Variants in SLIT2 observed in about 807,000 individuals in gnomAD.
The protein encoded by SLIT2 is slit guidance ligand 2.
Under a neutral mutation model 185.7 loss-of-function variants are expected in SLIT2, and 41 were observed. That is an observed-to-expected ratio of 0.22 (90% CI 0.17 to 0.29). SLIT2 has a LOEUF of 0.29. Among genes scored for constraint, SLIT2 ranks in the 10% least tolerant of loss-of-function variants. The pLI is 1.00. For missense variants in SLIT2, 1,571 were observed against 1,909.0 expected, an observed-to-expected ratio of 0.82 and a Z score of 3.30; for synonymous variants, 693 against 680.2, an observed-to-expected ratio of 1.02 and a Z score of -0.29.
intron 4 of SLIT2, among the ~76,000 whole-genome samples, chr4:20,437,917 A>C (rs1407974781): frequency 6.7e-6 from 1 of 149,750 alleles, no homozygotes; most frequent in African/African-American, 2.4e-5. Context: ...TCCGTCTCAA[A>C]AAAAAAAAAA....
At chr4:20,434,399 T>C (rs1729208370) in intron 4 of SLIT2, among the ~76,000 whole-genome samples, 1 of 151,944 alleles carries the variant, frequency 6.6e-6, no homozygotes, top group South Asian at 2.1e-4. Context: ...GGCAGGAGAA[T>C]CACTTGAACC....
chr4:20,364,360 A>AT, intron 4 of SLIT2: 1 of 759,860 alleles, frequency 1.3e-6, no homozygotes, highest in Non-Finnish European at 1.6e-6. Flanking sequence ...CAGTTCACCC[A>AT]TTAGCTCTCT....
intron 4 of SLIT2, among the ~76,000 whole-genome samples, chr4:20,420,677 A>C (rs1200724606): frequency 1.3e-5 from 2 of 152,012 alleles, no homozygotes; most frequent in African/African-American, 4.8e-5. Context: ...AGGGAGAGAA[A>C]GAAAAAAGGG....
chr4:20,289,644 A>G (rs1278935990), intron 4 of SLIT2, among the ~76,000 whole-genome samples: 1 of 152,156 alleles, frequency 6.6e-6, no homozygotes, highest in Non-Finnish European at 1.5e-5. Context: ...AGATCTCTTT[A>G]TCTGCCTCCT....
chr4:20,366,903 T>A (rs1229658522), intron 4 of SLIT2, among the ~76,000 whole-genome samples: 2 of 152,020 alleles, frequency 1.3e-5, no homozygotes, highest in Non-Finnish European at 2.9e-5. Flanking sequence ...GCTCAAGTGA[T>A]CCTCCAACCT....
chr4:20,340,964 G>A (rs1378111420), intron 4 of SLIT2, among the ~76,000 whole-genome samples: 1 of 152,162 alleles, frequency 6.6e-6, no homozygotes, highest in Non-Finnish European at 1.5e-5. Flanking sequence ...AAGACGGAAT[G>A]AGGAGGGTAG....
chr4:20,463,487 ATATATG>A (rs1249954070), intron 4 of SLIT2, among the ~76,000 whole-genome samples: 2 of 90,492 alleles, frequency 2.2e-5, no homozygotes, highest in Non-Finnish European at 4.3e-5. Context: ...ATATATATAT[ATATATG>A]TGTGTGTGCG....
intron 29 of SLIT2, among the ~76,000 whole-genome samples, chr4:20,571,282 C>G (rs1386308767): frequency 2.0e-5 from 3 of 151,934 alleles, no homozygotes; most frequent in African/African-American, 7.3e-5. Flanking sequence ...TTAATTTGGG[C>G]AAAGAATCAA....
chr4:20,299,166 A>T (rs548845933), intron 4 of SLIT2, among the ~76,000 whole-genome samples: 1 of 152,322 alleles, frequency 6.6e-6, no homozygotes, highest in Non-Finnish European at 1.5e-5. Flanking sequence ...TGCTCTTGCC[A>T]CACCAGTTGT....
rs1359240942 is a variant in SLIT2 at position 20,484,838 on chromosome 4, TG to T, written c.540-1361del. 1.3e-5 allele frequency among the ~76,000 whole-genome samples: 2 copies of T among 152,152 alleles called. No individual in the cohort carries two copies. The highest frequency in any genetic ancestry group is 4.8e-5 in the African/African-American group (2 of 41,448). On this transcript the variant is annotated intron_variant, in intron 6 of 36. Transcript: ENST00000504154. The surrounding 1 kb of genome is among the most constrained non-coding windows in gnomAD (Gnocchi z 4.3). ...TAGTCCATTGGAGCTGGAGATTATC[TG>T]CCACAAGAGAGACTATCATTGCTAG...
At chr4:20,539,100 C>T (rs1465687180) in intron 18 of SLIT2, among the ~76,000 whole-genome samples, 1 of 152,062 alleles carries the variant, frequency 6.6e-6, no homozygotes, top group Non-Finnish European at 1.5e-5. Flanking sequence ...CACAGGGCTC[C>T]GAGGACTCAG....
intron 4 of SLIT2, among the ~76,000 whole-genome samples, chr4:20,300,572 G>A (rs1716942355): frequency 6.6e-6 from 1 of 151,080 alleles, no homozygotes; most frequent in Non-Finnish European, 1.5e-5. Flanking sequence ...GTGCATTTTA[G>A]TTGTCTCGCA....
intron 24 of SLIT2, among the ~76,000 whole-genome samples, chr4:20,549,514 T>C (rs1723544518): frequency 6.6e-6 from 1 of 152,052 alleles, no homozygotes; most frequent in Non-Finnish European, 1.5e-5. Context: ...CTTTAAAATA[T>C]GTGAAATAAA....
intron 33 of SLIT2, among the ~76,000 whole-genome samples, chr4:20,605,713 A>G (rs1408685319): frequency 7.6e-6 from 1 of 131,940 alleles, no homozygotes; most frequent in African/African-American, 3.3e-5. Context: ...TTTATTTTAT[A>G]TTTTATTTTA....
At position 20,491,874 on chromosome 4, in the gene SLIT2, A is replaced by G; in HGVS notation, c.889A>G (p.Asn297Asp). 1 of 1,613,818 alleles carries G rather than the reference A, an allele frequency of 6.2e-7. No homozygotes were observed. Among genetic ancestry groups the G allele is most frequent in the South Asian group, 1.1e-5 (1 of 91,038 alleles). ...RGKGLTEIPT[N>D]LPETITEIRL... ...GAAAGGTCTCACTGAGATCCCCACA[A>G]ATCTTCCAGAGACCATCACAGAAAT... The change falls in exon 9 of 37, where the codon AAT becomes GAT. Residue 297 changes from asparagine to aspartate, a missense_variant. Transcript: ENST00000504154.
At chr4:20,379,049 G>A (rs778613067) in intron 4 of SLIT2, among the ~76,000 whole-genome samples, 1 of 152,112 alleles carries the variant, frequency 6.6e-6, no homozygotes. Flanking sequence ...TTAGGCCAGT[G>A]AAACTATTCT....
intron 5 of SLIT2, among the ~76,000 whole-genome samples, chr4:20,477,620 G>A (rs1716260739): frequency 6.6e-6 from 1 of 152,152 alleles, no homozygotes; most frequent in African/African-American, 2.4e-5. Context: ...TTGAACAGAA[G>A]CCAAAGGGAA....
chr4:20,315,231 T>C (rs1316964226), intron 4 of SLIT2, among the ~76,000 whole-genome samples: 1 of 152,162 alleles, frequency 6.6e-6, no homozygotes, highest in Non-Finnish European at 1.5e-5. Flanking sequence ...TATGAAGTTT[T>C]GCCCAGAAGG....
intron 3 of SLIT2, among the ~76,000 whole-genome samples, chr4:20,264,153 C>T (rs1053758560): frequency 2.0e-5 from 3 of 151,914 alleles, no homozygotes; most frequent in African/African-American, 7.2e-5. Context: ...TCATTGATAT[C>T]ACTGCTGAAG....
Sources: allele counts gnomAD v4.1 joint callset (sites outside exome capture counted in the v4.1 genomes callset), GRCh38; gene constraint gnomAD v4.1.1; non-coding constraint Gnocchi (gnomAD v3.1); transcripts MANE v1.5; gene names NCBI Gene and HGNC (gene_info 2026-07-23, HGNC 2026-07-21).